The following KASH5 variants were observed in gnomAD, a reference collection of about 807,000 sequenced individuals.
The protein encoded by KASH5 is KASH domain containing 5, also known as protein KASH5.
KASH5 carries 72 observed loss-of-function variants against 84.2 expected under a neutral mutation model. The observed-to-expected ratio is 0.85, with a 90% CI of 0.71 to 1.04. The LOEUF is 1.04. Among genes scored for constraint, KASH5 ranks in the 50% least tolerant of loss-of-function variants. KASH5 has a pLI of 0.00. For synonymous variants in KASH5, 260 were observed against 279.1 expected (o/e 0.93, Z 0.68); for missense variants, 650 against 701.0 (o/e 0.93, Z 0.82).
rs1486702673 is a variant in KASH5, at chr19:49,395,331, T to A, written c.335+39T>A. 6.3e-7 allele frequency: 1 copy of A among 1,597,970 alleles called. No individual in the cohort carries two copies. Among genetic ancestry groups the A allele is most frequent in the Non-Finnish European group, 8.5e-7 (1 of 1,171,714 alleles). Reference sequence around the variant, plus strand: ...TCTTCATCCTCCTCTGGGAAGTCCTTCCTAAGATCTAACCTCATACCTGCT... The same window carrying A: ...TCTTCATCCTCCTCTGGGAAGTCCTACCTAAGATCTAACCTCATACCTGCT... On this transcript the variant is annotated intron_variant, in intron 4 of 19. Coordinates refer to ENST00000447857, the MANE Select transcript of KASH5 (RefSeq NM_144688.5). The surrounding 1 kb of genome is among the most constrained non-coding windows in gnomAD (Gnocchi z 4.4).
Position 49,403,818 on chromosome 19 carries a change from C to T in KASH5, c.799-3068C>T, listed in dbSNP as rs78386411. ...CCTTGAGCAGCATCTGGGACACCCT[C>T]GGCCCTCGATAAACTGGAGCTATTC... On this transcript the variant is annotated intron_variant, in intron 9 of 19. Transcript: ENST00000447857. Among the ~76,000 whole-genome samples, 1,184 of 152,326 alleles carry T rather than the reference C, an allele frequency of 7.8e-3. 26 individuals are homozygous for T. The highest frequency in any genetic ancestry group is 0.04 in the East Asian group (210 of 5,188).
At position 49,395,674 on chromosome 19, in the gene KASH5, G is replaced by A. The variant is rs8101848; in HGVS notation, c.336-95G>A. The A allele has an allele frequency of 3.2e-5, 41 of 1,286,904 alleles. No homozygotes were observed. The highest frequency in any genetic ancestry group is 2.6e-4 in the Middle Eastern group (1 of 3,818). 79.7% of individuals were successfully genotyped at this position (1,286,904 alleles called of 1,614,324 possible). A position where few individuals can be genotyped will look rare whatever the true frequency, so the allele number is the denominator to read the frequency against. On this transcript the variant is annotated intron_variant, in intron 4 of 19. Coordinates refer to ENST00000447857, the MANE Select transcript of KASH5 (RefSeq NM_144688.5). This position sits in a 1 kb window ranked among gnomAD's most constrained non-coding sequence, Gnocchi z 4.4. ...TGTGGTGCCAGCTCTCACCTGACCC[G>A]GTCCCCTCCTCCCACCTGCAATCCC...
In KASH5 at chr19:49,399,416, G is replaced by C; in HGVS notation, c.748-41G>C. 2 of 1,578,198 alleles carry C rather than the reference G, an allele frequency of 1.3e-6. No homozygotes were observed. The highest frequency in any genetic ancestry group is 1.7e-6 in the Non-Finnish European group (2 of 1,154,948). On this transcript the variant is annotated intron_variant, in intron 8 of 19. Transcript: ENST00000447857. The surrounding 1 kb of genome is among the most constrained non-coding windows in gnomAD (Gnocchi z 4.4). ...AGAAGGGCAACATGGGGGCAAGGAG[G>C]CTAGAAATGAAACCTTTGTCCTCTC...
At position 49,395,910 on chromosome 19, in the gene KASH5, C is replaced by G; in HGVS notation, c.400+77C>G. The G allele has an allele frequency of 7.9e-7, 1 of 1,259,146 alleles. No homozygotes were observed. Among genetic ancestry groups the G allele is most frequent in the South Asian group, 1.3e-5 (1 of 77,632 alleles). The allele number at this position is 1,259,146 out of a possible 1,614,324, so 78.0% of individuals were successfully genotyped here. ...TGGGGACTTACCACCCAGGGCAGAG[C>G]AAGGGATAGGGTAGGAACCAGGGAC... On this transcript the variant is annotated intron_variant, in intron 5 of 19. Transcript: ENST00000447857. This position sits in a 1 kb window ranked among gnomAD's most constrained non-coding sequence, Gnocchi z 4.4.
At chr19:49,397,611 T>A in intron 5 of KASH5, 40 bp from the exon 6 acceptor site, 1 of 1,599,480 alleles carries the variant, frequency 6.3e-7, no homozygotes, top group Non-Finnish European at 8.6e-7. Context: ...CGTTTAAGGG[T>A]TCCAGGGAAG....
chr19:49,408,448 T>C (rs1974601830), intron 12 of KASH5, among the ~76,000 whole-genome samples: 1 of 152,034 alleles, frequency 6.6e-6, no homozygotes, highest in Non-Finnish European at 1.5e-5. Flanking sequence ...GCTGTGCTTT[T>C]TTTTTTTCTT....
At chr19:49,402,578 G>C (rs903082541) in intron 9 of KASH5, among the ~76,000 whole-genome samples, 16 of 150,828 alleles carry the variant, frequency 1.1e-4, no homozygotes, top group African/African-American at 3.9e-4. Flanking sequence ...GTGGTGGCAG[G>C]CGTCTGTAAT....
chr19:49,413,046 G>A lies in KASH5; in HGVS notation c.1328+20G>A, dbSNP rs185671934. ...CATGTGGTAAGGAGCTGAGCCATCCGTCTGCCTCAGGGTGACACCTTATTC... is the reference window on the plus strand; with the variant it reads ...CATGTGGTAAGGAGCTGAGCCATCCATCTGCCTCAGGGTGACACCTTATTC... On this transcript the variant is annotated intron_variant, in intron 16 of 19. Transcript: ENST00000447857. The A allele has an allele frequency of 3.1e-4, 501 of 1,609,628 alleles. 3 individuals are homozygous for A. In the African/African-American group the frequency reaches 4.9e-3, roughly 16 times the overall value.
At chr19:49,389,343 G>T (rs1459925890) in intron 1 of KASH5, among the ~76,000 whole-genome samples, 1 of 150,390 alleles carries the variant, frequency 6.6e-6, no homozygotes, top group Non-Finnish European at 1.5e-5. Context: ...TCCAGTCAGA[G>T]ACCCCCCCAA....
chr19:49,404,796 C>T (rs1399490412), intron 9 of KASH5, among the ~76,000 whole-genome samples: 3 of 152,188 alleles, frequency 2.0e-5, no homozygotes, highest in East Asian at 3.8e-4. Flanking sequence ...CTTGGCATTA[C>T]TCCTGAATGG....
At chr19:49,402,045 C>A (rs757348955) in intron 9 of KASH5, among the ~76,000 whole-genome samples, 17 of 151,670 alleles carry the variant, frequency 1.1e-4, no homozygotes, top group Non-Finnish European at 1.8e-4. Context: ...AGTTCGAGAC[C>A]AGCCTGGCCA....
intron 9 of KASH5, among the ~76,000 whole-genome samples, chr19:49,406,190 C>T (rs1974521278): frequency 6.7e-6 from 1 of 150,060 alleles, no homozygotes; most frequent in African/African-American, 2.5e-5. Context: ...CGAGAAAATG[C>T]ATATAATTAT....
At position 49,395,811 on chromosome 19, in the gene KASH5, G is replaced by T; in HGVS notation, c.378G>T (p.Leu126=). 2 of 1,565,292 alleles carry T rather than the reference G, an allele frequency of 1.3e-6. No homozygotes were observed. Among genetic ancestry groups the T allele is most frequent in the South Asian group, 1.2e-5 (1 of 84,674 alleles). The change falls in exon 5 of 20, where the codon CTG becomes CTT. Residue 126 remains leucine (L), a synonymous_variant. Transcript: ENST00000447857. The surrounding 1 kb of genome is among the most constrained non-coding windows in gnomAD (Gnocchi z 4.4). ...AGGAGACCGCCTTCCAGGGAGCCCTGACCTCCCGGCAACTGCCATCTGGTG... is the reference window on the plus strand; with the variant it reads ...AGGAGACCGCCTTCCAGGGAGCCCTTACCTCCCGGCAACTGCCATCTGGTG... ...LEEETAFQGA[L]TSRQLPSGCP... is the part of the protein sequence containing the mutation.
chr19:49,390,786 C>A lies in KASH5; in HGVS notation c.-95-3C>A. ...GGACACCATTTCCTGCTTCTCCTTC[C>A]AGGAGTGCTCGGGCCAGCTGGTCCT... On this transcript the variant is annotated splice_polypyrimidine_tract_variant and splice_region_variant and intron_variant, in intron 1 of 19. Transcript: ENST00000447857. The A allele has an allele frequency of 7.3e-7, 1 of 1,367,178 alleles. No individual in the cohort carries two copies. Among genetic ancestry groups the A allele is most frequent in the Non-Finnish European group, 9.8e-7 (1 of 1,016,190 alleles). 84.7% of individuals were successfully genotyped at this position (1,367,178 alleles called of 1,614,324 possible). A position where few individuals can be genotyped will look rare whatever the true frequency, so the allele number is the denominator to read the frequency against.
chr19:49,412,900 G>A lies in KASH5; in HGVS notation c.1270-68G>A. On this transcript the variant is annotated intron_variant, in intron 15 of 19. Transcript: ENST00000447857. The surrounding 1 kb of genome is among the most constrained non-coding windows in gnomAD (Gnocchi z 4.6). ...GTCTGGGACCGGCGGGGGAGACAGT[G>A]GGCACTGTTAGGGTTGGAGCTTTGA... 6.6e-7 allele frequency: 1 copy of A among 1,516,148 alleles called. No individual in the cohort carries two copies. Among genetic ancestry groups the A allele is most frequent in the Non-Finnish European group, 9.1e-7 (1 of 1,101,486 alleles). The allele number at this position is 1,516,148 out of a possible 1,614,324, so 93.9% of individuals were successfully genotyped here.
intron 11 of KASH5, 133 bp from the exon 12 acceptor site, chr19:49,407,479 C>T (rs936367246): frequency 8.8e-7 from 1 of 1,134,524 alleles, no homozygotes; most frequent in Non-Finnish European, 1.3e-6. Context: ...CTGCCCGGTG[C>T]TCTCCCTTGT....
chr19:49,416,390 G>GTCATGTTGGCCAGGTTGGTCT lies in KASH5; in HGVS notation c.1375-625_1375-624insTCATGTTGGCCAGGTTGGTCT. Among the ~76,000 whole-genome samples the GTCATGTTGGCCAGGTTGGTCT allele has an allele frequency of 6.6e-6, 1 of 152,072 alleles. No homozygotes were observed. Among genetic ancestry groups the GTCATGTTGGCCAGGTTGGTCT allele is most frequent in the African/African-American group, 2.4e-5 (1 of 41,382 alleles). ...GTATTTTTAGTAGAGACGGAGTTTC[G>GTCATGTTGGCCAGGTTGGTCT]CCATGTTGGCCAGGTTGGTCTCCAT... On this transcript the variant is annotated intron_variant, in intron 17 of 19. Coordinates refer to ENST00000447857, the MANE Select transcript of KASH5 (RefSeq NM_144688.5). This position sits in a 1 kb window ranked among gnomAD's most constrained non-coding sequence, Gnocchi z 5.4.
intron 2 of KASH5, among the ~76,000 whole-genome samples, chr19:49,392,631 G>A (rs918637062): frequency 6.6e-6 from 1 of 152,142 alleles, no homozygotes; most frequent in East Asian, 1.9e-4. Context: ...CACTGAGAGG[G>A]CTGGGTATGG....
In KASH5 at chr19:49,416,903, T is replaced by TA. The variant is rs1239154952; in HGVS notation, c.1375-111dup. The TA allele has an allele frequency of 2.8e-6, 3 of 1,078,116 alleles. No individual in the cohort carries two copies. Among genetic ancestry groups the TA allele is most frequent in the Admixed American group, 2.0e-5 (1 of 49,464 alleles). The allele number at this position is 1,078,116 out of a possible 1,614,324, so 66.8% of individuals were successfully genotyped here. A position where few individuals can be genotyped will look rare whatever the true frequency, so the allele number is the denominator to read the frequency against. ...ACCTGGCAGCAGAAGTGCACTCACTTATCTCCTGAGCTCCACCACTTTCTA... is the reference window on the plus strand; with the variant it reads ...ACCTGGCAGCAGAAGTGCACTCACTTAATCTCCTGAGCTCCACCACTTTCTA... On this transcript the variant is annotated intron_variant, in intron 17 of 19. Transcript: ENST00000447857. The surrounding 1 kb of genome is among the most constrained non-coding windows in gnomAD (Gnocchi z 5.4).
Sources: gnomAD v4.1 joint callset for allele counts (sites outside exome capture counted in the v4.1 genomes callset) on GRCh38, gnomAD v4.1.1 for gene constraint, Gnocchi (gnomAD v3.1) non-coding constraint, MANE v1.5 for transcripts, NCBI Gene and HGNC (gene_info 2026-07-23, HGNC 2026-07-21) for gene names.